CRYBB2: variants seen among roughly 807,000 people sequenced by gnomAD.
CRYBB2 encodes beta-crystallin B2.
Under a neutral mutation model 24.3 loss-of-function variants are expected in CRYBB2, and 12 were observed. That is an observed-to-expected ratio of 0.49 (90% CI 0.32 to 0.80). The LOEUF is 0.80. Among genes scored for constraint, CRYBB2 ranks in the 30% least tolerant of loss-of-function variants. CRYBB2 has a pLI of 0.04. For synonymous variants in CRYBB2, 98 were observed against 101.6 expected (o/e 0.96, Z 0.21); for missense variants, 198 against 268.5 (o/e 0.74, Z 1.83).
chr22:25,229,338 G>T, intron 4 of CRYBB2, 98 bp from the exon 5 acceptor site: 1 of 1,519,664 alleles, frequency 6.6e-7, no homozygotes. Flanking sequence ...TGATGTGTGG[G>T]ACATGCTGAT....
upstream of CRYBB2, among the ~76,000 whole-genome samples, chr22:25,218,706 G>GAGAGAGAGA (rs1265990056): frequency 0.11 from 4,053 of 37,556 alleles, 629 homozygotes; most frequent in African/African-American, 0.34. Context: ...GAGAGAGAGG[G>GAGAGAGAGA]GGAGAGAGAG....
upstream of CRYBB2, among the ~76,000 whole-genome samples, chr22:25,217,080 C>T (rs1935179922): frequency 6.6e-6 from 1 of 152,086 alleles, no homozygotes; most frequent in South Asian, 2.1e-4. Flanking sequence ...CTGCTATGAA[C>T]ATGGGTGTGT....
chr22:25,223,470 A>G (rs774120817), intron 2 of CRYBB2, among the ~76,000 whole-genome samples: 44 of 152,044 alleles, frequency 2.9e-4, no homozygotes, highest in Non-Finnish European at 6.0e-4. Flanking sequence ...CAGATGAGGG[A>G]CCTGAGGCCC....
At position 25,224,903 on chromosome 22, in the gene CRYBB2, C is replaced by A. The variant is rs554912183; in HGVS notation, c.55-15C>A. 4 of 1,389,806 alleles carry A rather than the reference C, an allele frequency of 2.9e-6. No homozygotes were observed. The highest frequency in any genetic ancestry group is 1.8e-4 in the Middle Eastern group (1 of 5,640). 86.1% of individuals were successfully genotyped at this position (1,389,806 alleles called of 1,614,324 possible). A position where few individuals can be genotyped will look rare whatever the true frequency, so the allele number is the denominator to read the frequency against. ...TTCATCGTGATGAGGGTCTGAGTCT[C>A]GCTTCCTCTTGCAGATCATCATCTT... On this transcript the variant is annotated splice_polypyrimidine_tract_variant and intron_variant, in intron 2 of 5. Transcript: ENST00000398215.
At chr22:25,218,836 A>AAGAAAGAAAGAAAGAAAGAAAGAAAGAG (rs1569016534), upstream of CRYBB2, among the ~76,000 whole-genome samples, 2 of 96,792 alleles carry the variant, frequency 2.1e-5, no homozygotes, top group Non-Finnish European at 4.1e-5. Context: ...GAAAGAAAGA[A>AAGAAAGAAAGAAAGAAAGAAAGAAAGAG]AGAGAAAGAA....
At chr22:25,221,551 TG>T (rs1337531733) in intron 2 of CRYBB2, 68 bp downstream of exon 2, 12 of 1,253,878 alleles carry the variant, frequency 9.6e-6, no homozygotes, top group Non-Finnish European at 1.4e-5. Flanking sequence ...TTCTGTAAAA[TG>T]GGCTTGGCAT....
At chr22:25,228,993 T>C (rs1009161052) in intron 4 of CRYBB2, among the ~76,000 whole-genome samples, 5 of 149,996 alleles carry the variant, frequency 3.3e-5, no homozygotes, top group South Asian at 2.1e-4. Flanking sequence ...CATGTGTGGG[T>C]GTGCGTGTGT....
chr22:25,218,773 G>A (rs867965881), upstream of CRYBB2, among the ~76,000 whole-genome samples: 7,846 of 31,410 alleles, frequency 0.25, 963 homozygotes, highest in South Asian at 0.4. Flanking sequence ...GAGAGAGAGA[G>A]AGAGAGAAGA....
intron 2 of CRYBB2, among the ~76,000 whole-genome samples, chr22:25,223,209 GTGT>G (rs575892739): frequency 5.4e-4 from 83 of 152,326 alleles, no homozygotes; most frequent in Non-Finnish European, 1.1e-3. Flanking sequence ...CAAGATCCCA[GTGT>G]TGTGTGCACA....
chr22:25,230,182 A>C (rs1328075571), intron 5 of CRYBB2, among the ~76,000 whole-genome samples: 1 of 146,632 alleles, frequency 6.8e-6, no homozygotes, highest in Non-Finnish European at 1.5e-5. Flanking sequence ...ATTGAGACGG[A>C]GGCGCGCACT....
intron 2 of CRYBB2, among the ~76,000 whole-genome samples, chr22:25,222,933 C>T (rs1935345548): frequency 6.6e-6 from 1 of 152,104 alleles, no homozygotes; most frequent in African/African-American, 2.4e-5. Context: ...GCTTATAGCA[C>T]AGTATAAGTA....
upstream of CRYBB2, among the ~76,000 whole-genome samples, chr22:25,217,997 C>G (rs1331098549): frequency 6.6e-6 from 1 of 151,934 alleles, no homozygotes; most frequent in Non-Finnish European, 1.5e-5. Context: ...CGGTGGCTCA[C>G]GCCTGTAATC....
upstream of CRYBB2, among the ~76,000 whole-genome samples, chr22:25,218,702 G>A (rs201006992): frequency 4.7e-4 from 22 of 47,206 alleles, no homozygotes; most frequent in East Asian, 4.7e-3. Context: ...GAGAGAGAGA[G>A]AGGGGGAGAG....
chr22:25,218,842 A>AAGAAAGAAAGAAAGAAAGAAAG (rs1569016568), upstream of CRYBB2, among the ~76,000 whole-genome samples: 1 of 118,804 alleles, frequency 8.4e-6, no homozygotes, highest in African/African-American at 3.6e-5. Flanking sequence ...AAGAAAGAGA[A>AAGAAAGAAAGAAAGAAAGAAAG]AGAAAGAAAG....
intron 3 of CRYBB2, 36 bp downstream of exon 3, chr22:25,225,072 T>G: frequency 2.7e-6 from 3 of 1,105,432 alleles, no homozygotes; most frequent in Non-Finnish European, 4.2e-6. Context: ...GTCAGGGACT[T>G]TGGGTGAGGT....
Position 25,231,467 on chromosome 22 carries a change from G to T in CRYBB2, c.450-137G>T, listed in dbSNP as rs1935530205. ...TGGAAAGGGTGTCCTGCTTACCCTTGGGAAGTGGCAATGGTTGGGAGGCTT... is the reference window on the plus strand; with the variant it reads ...TGGAAAGGGTGTCCTGCTTACCCTTTGGAAGTGGCAATGGTTGGGAGGCTT... On this transcript the variant is annotated intron_variant, in intron 5 of 5. Transcript: ENST00000398215. The T allele has an allele frequency of 7.2e-6, 6 of 829,504 alleles. 1 individual carries two copies. The highest frequency in any genetic ancestry group is 1.1e-5 in the Non-Finnish European group (5 of 475,394). 51.4% of individuals were successfully genotyped at this position (829,504 alleles called of 1,614,324 possible).
upstream of CRYBB2, among the ~76,000 whole-genome samples, chr22:25,218,140 T>A (rs908522762): frequency 1.0e-4 from 15 of 150,624 alleles, no homozygotes; most frequent in Non-Finnish European, 1.3e-4. Flanking sequence ...GCGCCTGTAG[T>A]CCCAGCTACT....
upstream of CRYBB2, among the ~76,000 whole-genome samples, chr22:25,218,196 T>C (rs911977615): frequency 4.0e-5 from 6 of 151,672 alleles, no homozygotes; most frequent in Non-Finnish European, 8.8e-5. Context: ...GAGGCAGAGC[T>C]TGCAGTGAGC....
chr22:25,222,798 T>C (rs1366513740), intron 2 of CRYBB2, among the ~76,000 whole-genome samples: 3 of 152,222 alleles, frequency 2.0e-5, no homozygotes, highest in Non-Finnish European at 4.4e-5. Context: ...TCATATTACA[T>C]TTTATGAAAC....
Sources: allele counts gnomAD v4.1 joint callset (sites outside exome capture counted in the v4.1 genomes callset), GRCh38; gene constraint gnomAD v4.1.1; transcripts MANE v1.5; gene names NCBI Gene and HGNC (gene_info 2026-07-23, HGNC 2026-07-21).